ARHGAP6: variants seen among roughly 807,000 people sequenced by gnomAD.
ARHGAP6 encodes Rho GTPase activating protein 6, also known as rho GTPase-activating protein 6.
Under a neutral mutation model 55.7 loss-of-function variants are expected in ARHGAP6, and 16 were observed. The observed-to-expected ratio is 0.29, with a 90% CI of 0.19 to 0.44. The LOEUF is 0.44. Ranked by LOEUF, ARHGAP6 falls within the 20% of genes least tolerant of loss-of-function variation. The probability of loss-of-function intolerance (pLI) is 1.00; values close to 1 mark genes in which losing one functional copy is unlikely to be tolerated. For missense variants in ARHGAP6, 698 were observed against 808.9 expected, an observed-to-expected ratio of 0.86 and a Z score of 1.66; for synonymous variants, 382 against 360.9, an observed-to-expected ratio of 1.06 and a Z score of -0.66.
At chrX:11,493,835 C>CT (rs35315280) in intron 1 of ARHGAP6, among the ~76,000 whole-genome samples, 35,114 of 88,230 alleles carry the variant, frequency 0.4, 6,608 homozygotes, top group East Asian at 0.74. Context: ...AACAGAATGC[C>CT]TTTTTTTTTT....
intron 6 of ARHGAP6, among the ~76,000 whole-genome samples, chrX:11,180,264 G>A (rs1026467731): frequency 2.7e-5 from 3 of 111,183 alleles, no homozygotes; most frequent in Admixed American, 9.6e-5. Context: ...TCAACTTTTC[G>A]TATGCATTGT....
At chrX:11,460,459 G>A (rs913423171) in intron 1 of ARHGAP6, among the ~76,000 whole-genome samples, 25 of 111,437 alleles carry the variant, frequency 2.2e-4, no homozygotes, top group Non-Finnish European at 1.5e-4. Context: ...CCTGAGTGCA[G>A]GATCCAGTTA....
chrX:11,158,404 G>C (rs1039255174), intron 9 of ARHGAP6, among the ~76,000 whole-genome samples: 3 of 112,096 alleles, frequency 2.7e-5, no homozygotes, highest in Non-Finnish European at 5.6e-5. Context: ...TGAGTCCCGG[G>C]ACAAGCTATG....
intron 1 of ARHGAP6, among the ~76,000 whole-genome samples, chrX:11,314,913 C>T (rs2048340610): frequency 8.9e-6 from 1 of 112,099 alleles, no homozygotes; most frequent in South Asian, 3.8e-4. Flanking sequence ...TGTAACAAAC[C>T]TGCACATGTA....
chrX:11,461,554 T>G (rs1454922956), intron 1 of ARHGAP6, among the ~76,000 whole-genome samples: 1 of 111,953 alleles, frequency 8.9e-6, no homozygotes, highest in Non-Finnish European at 1.9e-5. Flanking sequence ...ACACTTTGTT[T>G]ACTGAATGAA....
chrX:11,347,409 T>C (rs1420095773), intron 1 of ARHGAP6, among the ~76,000 whole-genome samples: 1 of 111,940 alleles, frequency 8.9e-6, no homozygotes, highest in Non-Finnish European at 1.9e-5. Context: ...CCTCATAAAT[T>C]GAAAATGAGA....
chrX:11,427,643 G>T (rs1222480334), intron 1 of ARHGAP6: 1 of 863,926 alleles, frequency 1.2e-6, no homozygotes, highest in Non-Finnish European at 1.4e-6. Context: ...CTGGGGTCAC[G>T]GTGTCTCTCT....
intron 6 of ARHGAP6, among the ~76,000 whole-genome samples, 162 bp downstream of exon 6, chrX:11,181,901 G>A (rs944492440): frequency 5.6e-5 from 6 of 107,503 alleles, no homozygotes. Flanking sequence ...TTTCTGAGTT[G>A]TTGCCTTTTA....
intron 1 of ARHGAP6, among the ~76,000 whole-genome samples, chrX:11,438,113 C>G (rs1235414147): frequency 8.9e-6 from 1 of 112,221 alleles, no homozygotes; most frequent in Non-Finnish European, 1.9e-5. Context: ...TGCCTACATT[C>G]GATCTGTTTC....
At chrX:11,154,297 G>A (rs1310540248) in intron 10 of ARHGAP6, among the ~76,000 whole-genome samples, 1 of 111,794 alleles carries the variant, frequency 8.9e-6, no homozygotes, top group African/African-American at 3.3e-5. Flanking sequence ...TCTAGGGTCT[G>A]CTCACCTACA....
At chrX:11,441,460 G>A (rs2050038307) in intron 1 of ARHGAP6, among the ~76,000 whole-genome samples, 1 of 111,674 alleles carries the variant, frequency 9.0e-6, no homozygotes, top group African/African-American at 3.3e-5. Flanking sequence ...CTCTCCAAAC[G>A]TTTTGGTTCA....
intron 8 of ARHGAP6, 65 bp downstream of exon 8, chrX:11,178,035 G>T: frequency 4.2e-6 from 5 of 1,188,225 alleles, no homozygotes; most frequent in South Asian, 1.8e-5. Context: ...CCATTTTGGT[G>T]GTATGCCCTT....
intron 1 of ARHGAP6, among the ~76,000 whole-genome samples, chrX:11,301,364 T>G (rs977855074): frequency 8.9e-6 from 1 of 112,381 alleles, no homozygotes; most frequent in Non-Finnish European, 1.9e-5. Flanking sequence ...TTGTACTGTA[T>G]AGTCTTCAAA....
chrX:11,161,309 T>G (rs1014747015), intron 9 of ARHGAP6, among the ~76,000 whole-genome samples: 2 of 111,884 alleles, frequency 1.8e-5, no homozygotes, highest in South Asian at 3.7e-4. Flanking sequence ...AATGGAGAAA[T>G]AAAAGTCAAG....
rs59290872 is a variant in ARHGAP6, at chrX:11,280,745, C to CAAA, written c.589-26041_589-26039dup. 6.8e-3 allele frequency among the ~76,000 whole-genome samples: 362 copies of CAAA among 53,032 alleles called. 5 individuals are homozygous for CAAA. The highest frequency in any genetic ancestry group is 0.022 in the African/African-American group (319 of 14,558). 46.1% of individuals were successfully genotyped at this position (53,032 alleles called of 115,157 possible). A position where few individuals can be genotyped will look rare whatever the true frequency, so the allele number is the denominator to read the frequency against. Reference sequence around the variant, plus strand: ...TGGGCGACAGAGCAAGACCTTGTCTCAAAAAAAAAAAAAAAAAAAATCAAA... The same window carrying CAAA: ...TGGGCGACAGAGCAAGACCTTGTCTCAAAAAAAAAAAAAAAAAAAAAAATCAAA... On this transcript the variant is annotated intron_variant, in intron 1 of 12. Transcript: ENST00000337414.
intron 2 of ARHGAP6, among the ~76,000 whole-genome samples, chrX:11,235,120 T>C (rs1327902015): frequency 8.9e-6 from 1 of 112,972 alleles, no homozygotes. Flanking sequence ...ATGAGGGCTA[T>C]GCCCCTGCAG....
chrX:11,239,515 C>A (rs182720978), intron 2 of ARHGAP6, among the ~76,000 whole-genome samples: 1 of 111,355 alleles, frequency 9.0e-6, no homozygotes, highest in Non-Finnish European at 1.9e-5. Flanking sequence ...TTATGTTTGC[C>A]ATTCTGGTGG....
chrX:11,360,081 G>A (rs2048989681), intron 1 of ARHGAP6, among the ~76,000 whole-genome samples: 1 of 111,406 alleles, frequency 9.0e-6, no homozygotes, highest in African/African-American at 3.3e-5. Context: ...AGAGGTACAA[G>A]GAGGAACCAG....
intron 1 of ARHGAP6, among the ~76,000 whole-genome samples, chrX:11,638,570 G>C (rs5933908): frequency 0.19 from 20,685 of 110,491 alleles, 1,905 homozygotes; most frequent in African/African-American, 0.34. Flanking sequence ...TTCCCAGTAT[G>C]TGTCCTAAGA....
Sources: allele counts gnomAD v4.1 joint callset (sites outside exome capture counted in the v4.1 genomes callset), GRCh38; gene constraint gnomAD v4.1.1; transcripts MANE v1.5; gene names NCBI Gene and HGNC (gene_info 2026-07-23, HGNC 2026-07-21).